The following GRK5 variants were observed in gnomAD, a reference collection of about 807,000 sequenced individuals.
The protein encoded by GRK5 is G protein-coupled receptor kinase 5.
A neutral mutation model predicts 78.4 loss-of-function variants in GRK5; 40 were observed. The observed-to-expected ratio is 0.51, with a 90% confidence interval of 0.40 to 0.66. The LOEUF (loss-of-function observed/expected upper bound fraction) is 0.66, where lower values mean the gene tolerates loss of function less well. Among genes scored for constraint, GRK5 ranks in the 30% least tolerant of loss-of-function variants. The pLI is 0.00. For missense variants in GRK5, 598 were observed against 759.9 expected (o/e 0.79, Z 2.50); for synonymous variants, 289 against 296.8 (o/e 0.97, Z 0.27).
rs1161234199 is a variant in GRK5, at chr10:119,458,277, C to T, written c.*3210C>T. ...GCTGTCCCTGGTGGACAGAGGCGGTCTCTGCCATGGTCACCATGATGCCCT... is the reference window on the plus strand; with the variant it reads ...GCTGTCCCTGGTGGACAGAGGCGGTTTCTGCCATGGTCACCATGATGCCCT... On this transcript the variant is annotated 3_prime_UTR_variant, in exon 16 of 16. Coordinates refer to ENST00000392870, the MANE Select transcript of GRK5 (RefSeq NM_005308.3). 6.6e-6 allele frequency: 1 copy of T among 152,216 alleles called. No individual in the cohort carries two copies. Among genetic ancestry groups the T allele is most frequent in the African/African-American group, 2.4e-5 (1 of 41,452 alleles). The allele number at this position is 152,216 out of a possible 1,614,324, so 9.4% of individuals were successfully genotyped here.
chr10:119,457,191 C>G lies in GRK5; in HGVS notation c.*2124C>G, dbSNP rs1853413053. 1 of 152,156 alleles carries G rather than the reference C, an allele frequency of 6.6e-6. No individual in the cohort carries two copies. The highest frequency in any genetic ancestry group is 2.1e-4 in the South Asian group (1 of 4,818). The allele number at this position is 152,156 out of a possible 1,614,324, so 9.4% of individuals were successfully genotyped here. A position where few individuals can be genotyped will look rare whatever the true frequency, so the allele number is the denominator to read the frequency against. ...AGGACCATCATCCTAGGATGGTCAC[C>G]AGCCCAAGCCACCACCCCAGCCACC... On this transcript the variant is annotated 3_prime_UTR_variant, in exon 16 of 16. Transcript: ENST00000392870.
intron 1 of GRK5, among the ~76,000 whole-genome samples, chr10:119,303,258 C>T (rs941651899): frequency 2.0e-5 from 3 of 152,186 alleles, no homozygotes; most frequent in Non-Finnish European, 4.4e-5. Context: ...AAACTAATAA[C>T]GTCTGATAGT....
chr10:119,327,384 G>A (rs1030557262), intron 2 of GRK5, among the ~76,000 whole-genome samples: 1 of 152,156 alleles, frequency 6.6e-6, no homozygotes, highest in African/African-American at 2.4e-5. Flanking sequence ...TCTCCCCTCT[G>A]TGCCCTGGGG....
intron 4 of GRK5, among the ~76,000 whole-genome samples, chr10:119,418,945 C>A (rs971256994): frequency 4.6e-5 from 7 of 152,198 alleles, no homozygotes; most frequent in Non-Finnish European, 1.0e-4. Context: ...CAAGGGGCAT[C>A]TTTGATGGGG....
chr10:119,333,607 G>A (rs145013105), intron 2 of GRK5: 148 of 372,216 alleles, frequency 4.0e-4, no homozygotes, highest in African/African-American at 2.5e-3. Flanking sequence ...CTGCATAAAC[G>A]TGTGGGCAGG....
chr10:119,329,500 T>G (rs149781785), intron 2 of GRK5, among the ~76,000 whole-genome samples: 37 of 152,284 alleles, frequency 2.4e-4, no homozygotes, highest in African/African-American at 8.9e-4. Flanking sequence ...ACAATGCCAG[T>G]GGGTGCAGAC....
At chr10:119,391,303 C>T (rs1162008130) in intron 3 of GRK5, among the ~76,000 whole-genome samples, 1 of 151,764 alleles carries the variant, frequency 6.6e-6, no homozygotes, top group African/African-American at 2.4e-5. Flanking sequence ...ACCCTGGGGC[C>T]CCTGGGGGAC....
chr10:119,304,821 G>T (rs1280736748), intron 1 of GRK5, among the ~76,000 whole-genome samples: 1 of 152,250 alleles, frequency 6.6e-6, no homozygotes, highest in Non-Finnish European at 1.5e-5. Context: ...TGTGCACGCA[G>T]ATGCGGACCA....
intron 4 of GRK5, among the ~76,000 whole-genome samples, chr10:119,416,899 G>A (rs1031925136): frequency 7.9e-5 from 12 of 152,138 alleles, no homozygotes; most frequent in Non-Finnish European, 1.0e-4. Context: ...TGGCTGAATT[G>A]ATCCCCTTTT....
At chr10:119,265,512 G>A (rs928278000) in intron 1 of GRK5, among the ~76,000 whole-genome samples, 3 of 152,150 alleles carry the variant, frequency 2.0e-5, no homozygotes, top group East Asian at 1.9e-4. Context: ...ACCAGAGCTC[G>A]CTCTCTCTAC....
At chr10:119,218,790 A>G (rs951903991) in intron 1 of GRK5, among the ~76,000 whole-genome samples, 4 of 152,150 alleles carry the variant, frequency 2.6e-5, no homozygotes, top group African/African-American at 9.7e-5. Flanking sequence ...TGTCTAATGA[A>G]TATGTTCCTG....
At chr10:119,351,630 G>A (rs1851186210) in intron 2 of GRK5, among the ~76,000 whole-genome samples, 1 of 152,170 alleles carries the variant, frequency 6.6e-6, no homozygotes, top group African/African-American at 2.4e-5. Flanking sequence ...ATCAAGCAGA[G>A]TGAGGATGGA....
chr10:119,384,066 C>T (rs900179916), intron 3 of GRK5, among the ~76,000 whole-genome samples: 2 of 152,172 alleles, frequency 1.3e-5, no homozygotes, highest in South Asian at 2.1e-4. Flanking sequence ...TTGGCCTTCC[C>T]GGAGTCTTTC....
intron 2 of GRK5, among the ~76,000 whole-genome samples, chr10:119,377,671 G>C (rs1474668737): frequency 2.0e-5 from 3 of 151,906 alleles, no homozygotes; most frequent in African/African-American, 7.3e-5. Flanking sequence ...AGTTTATAAC[G>C]GCCTTGTTTC....
chr10:119,380,859 C>T lies in GRK5; in HGVS notation c.193C>T (p.Leu65=), dbSNP rs1299637427. 1 of 1,613,460 alleles carries T rather than the reference C, an allele frequency of 6.2e-7. No individual in the cohort carries two copies. Among genetic ancestry groups the T allele is most frequent in the South Asian group, 1.1e-5 (1 of 91,062 alleles). The change falls in exon 3 of 16, where the codon CTG becomes TTG. Residue 65 remains leucine (L), a synonymous_variant. Transcript: ENST00000392870. ...SLCDKQPIGR[L]LFRQFCETRP... Reference sequence around the variant, plus strand: ...ATGTGACAAGCAGCCAATCGGGAGGCTGCTTTTCCGGCAGTTTTGTGAAAC... The same window carrying T: ...ATGTGACAAGCAGCCAATCGGGAGGTTGCTTTTCCGGCAGTTTTGTGAAAC...
intron 1 of GRK5, among the ~76,000 whole-genome samples, chr10:119,219,901 C>T (rs1848633626): frequency 1.3e-5 from 2 of 152,158 alleles, no homozygotes; most frequent in African/African-American, 4.8e-5. Context: ...ATGTGAGCTT[C>T]ACATGCTTTT....
chr10:119,231,706 CAAAA>C (rs797013887), intron 1 of GRK5, among the ~76,000 whole-genome samples: 5 of 60,666 alleles, frequency 8.2e-5, no homozygotes, highest in Non-Finnish European at 1.0e-4. Context: ...GACTCTGCCT[CAAAA>C]AAAAAAAAAA....
At position 119,459,041 on chromosome 10, in the gene GRK5, C is replaced by T. The variant is rs1354529785; in HGVS notation, c.*3974C>T. 6.6e-6 allele frequency: 1 copy of T among 152,252 alleles called. No individual in the cohort carries two copies. Among genetic ancestry groups the T allele is most frequent in the Non-Finnish European group, 1.5e-5 (1 of 68,056 alleles). 9.4% of individuals were successfully genotyped at this position (152,252 alleles called of 1,614,324 possible). ...TACCTGTACTTCCAAGAGGTGGTCTCCTGTTTTCATAACCCAACACTCTGA... is the reference window on the plus strand; with the variant it reads ...TACCTGTACTTCCAAGAGGTGGTCTTCTGTTTTCATAACCCAACACTCTGA... On this transcript the variant is annotated 3_prime_UTR_variant, in exon 16 of 16. Coordinates refer to ENST00000392870, the MANE Select transcript of GRK5 (RefSeq NM_005308.3).
intron 1 of GRK5, among the ~76,000 whole-genome samples, chr10:119,310,949 C>T (rs976517559): frequency 6.6e-6 from 1 of 152,190 alleles, no homozygotes; most frequent in Non-Finnish European, 1.5e-5. Context: ...TCTCTTTCCA[C>T]ACTGCCCTAG....
Sources: gnomAD v4.1 joint callset for allele counts (sites outside exome capture counted in the v4.1 genomes callset) on GRCh38, gnomAD v4.1.1 for gene constraint, MANE v1.5 for transcripts, NCBI Gene and HGNC (gene_info 2026-07-23, HGNC 2026-07-21) for gene names.